PHACTR2: variants seen among roughly 807,000 people sequenced by gnomAD.
PHACTR2 encodes the protein chromosome 6 open reading frame 56.
In PHACTR2, 30 loss-of-function variants were observed where a neutral mutation model predicts 76.0. The observed-to-expected ratio is 0.39, with a 90% CI of 0.30 to 0.54. The LOEUF (loss-of-function observed/expected upper bound fraction) is 0.54, where lower values mean the gene tolerates loss of function less well. PHACTR2 is among the 20% of genes least tolerant of loss of function. The pLI is 0.61. For synonymous variants in PHACTR2, 292 were observed against 292.5 expected, an observed-to-expected ratio of 1.00 and a Z score of 0.02; for missense variants, 696 against 781.1, an observed-to-expected ratio of 0.89 and a Z score of 1.30.
At position 143,730,780 on chromosome 6, in the gene PHACTR2, C is replaced by T. The variant is rs1778681475; in HGVS notation, c.215-18205C>T. On this transcript the variant is annotated intron_variant, in intron 2 of 12. Transcript: ENST00000440869. This position sits in a 1 kb window ranked among gnomAD's most constrained non-coding sequence, Gnocchi z 4.8. ...TTTGTTTGTTTGAGACGGAGTCTTG[C>T]TCTGTGGCCCAGGCTGGAGTGCAGT... Among the ~76,000 whole-genome samples the T allele has an allele frequency of 6.6e-6, 1 of 152,166 alleles. No individual in the cohort carries two copies. The highest frequency in any genetic ancestry group is 2.4e-5 in the African/African-American group (1 of 41,436).
intron 1 of PHACTR2, among the ~76,000 whole-genome samples, chr6:143,707,528 A>C (rs762948419): frequency 6.6e-6 from 1 of 152,226 alleles, no homozygotes; most frequent in Non-Finnish European, 1.5e-5. Flanking sequence ...ACTATGCCAC[A>C]TTAGTCTCAG....
chr6:143,729,336 T>G (rs990724976), intron 2 of PHACTR2, among the ~76,000 whole-genome samples: 2 of 152,146 alleles, frequency 1.3e-5, no homozygotes, highest in African/African-American at 4.8e-5. Flanking sequence ...GAGGAAAAAT[T>G]TTTAATTTTA....
rs1009216689 is a variant in PHACTR2, at chr6:143,755,649, G to A, written c.454+1737G>A. On this transcript the variant is annotated intron_variant, in intron 4 of 12. Transcript: ENST00000440869. This position sits in a 1 kb window ranked among gnomAD's most constrained non-coding sequence, Gnocchi z 5.2. ...AAGAGAGCCTGTTGCTTGGCTAGTA[G>A]GTACATGAGGAAGGAGCTGGGAGTG... The A allele has an allele frequency of 8.6e-5, 20 of 233,204 alleles. No individual in the cohort carries two copies. Among genetic ancestry groups the A allele is most frequent in the Non-Finnish European group, 1.7e-4 (20 of 115,180 alleles). The allele number at this position is 233,204 out of a possible 1,614,324, so 14.4% of individuals were successfully genotyped here. A position where few individuals can be genotyped will look rare whatever the true frequency, so the allele number is the denominator to read the frequency against.
rs112529580 is a variant in PHACTR2, at chr6:143,695,847, C to T, written c.47-16169C>T. Reference sequence around the variant, plus strand: ...TGGAAACAACAGTAAAATGCAACTTCCTGTGTTTAGCAGCCGTAGCAACAC... The same window carrying T: ...TGGAAACAACAGTAAAATGCAACTTTCTGTGTTTAGCAGCCGTAGCAACAC... On this transcript the variant is annotated intron_variant, in intron 1 of 12. Coordinates refer to ENST00000440869, the MANE Select transcript of PHACTR2 (RefSeq NM_001100164.2). The surrounding 1 kb of genome is among the most constrained non-coding windows in gnomAD (Gnocchi z 4.4). Among the ~76,000 whole-genome samples, 2,201 of 152,278 alleles carry T rather than the reference C, an allele frequency of 0.014. 49 individuals carry two copies. Among genetic ancestry groups the T allele is most frequent in the African/African-American group, 0.05 (2,084 of 41,542 alleles).
chr6:143,699,045 C>T (rs543252294), intron 1 of PHACTR2, among the ~76,000 whole-genome samples: 1 of 152,170 alleles, frequency 6.6e-6, no homozygotes, highest in South Asian at 2.1e-4. Flanking sequence ...ATTTTGCGTC[C>T]AGTCTTGTGC....
At chr6:143,603,058 C>G (rs1256078984) in intron 1 of PHACTR2, among the ~76,000 whole-genome samples, 1 of 148,502 alleles carries the variant, frequency 6.7e-6, no homozygotes, top group Non-Finnish European at 1.5e-5. Flanking sequence ...GACAGGAGAA[C>G]TGCTAGAATC....
Position 143,686,481 on chromosome 6 carries a change from C to CTTTTTT in PHACTR2, c.46+8291_46+8296dup, listed in dbSNP as rs71024870. ...ACACATAGAGGAGAGGAACTTCATT[C>CTTTTTT]TTTTTTTTTTTTTTTTTTTTTTTTG... On this transcript the variant is annotated intron_variant, in intron 1 of 12. Transcript: ENST00000440869. Among the ~76,000 whole-genome samples, 136 of 83,970 alleles carry CTTTTTT rather than the reference C, an allele frequency of 1.6e-3. 1 individual carries two copies. Among genetic ancestry groups the CTTTTTT allele is most frequent in the African/African-American group, 2.8e-3 (60 of 21,698 alleles). 55.1% of individuals were successfully genotyped at this position (83,970 alleles called of 152,430 possible). A position where few individuals can be genotyped will look rare whatever the true frequency, so the allele number is the denominator to read the frequency against.
At chr6:143,768,975 G>A (rs766173560) in intron 6 of PHACTR2, among the ~76,000 whole-genome samples, 19 of 152,276 alleles carry the variant, frequency 1.2e-4, no homozygotes, top group Non-Finnish European at 2.5e-4. Context: ...CCTTTTTCAA[G>A]TGGATATTTG....
chr6:143,692,646 A>G (rs569775016), intron 1 of PHACTR2, among the ~76,000 whole-genome samples: 1 of 152,218 alleles, frequency 6.6e-6, no homozygotes, highest in Non-Finnish European at 1.5e-5. Context: ...TTTCCAAACA[A>G]GAATGTTTTA....
chr6:143,747,161 G>A (rs1779084850), intron 2 of PHACTR2, among the ~76,000 whole-genome samples: 1 of 152,190 alleles, frequency 6.6e-6, no homozygotes, highest in Non-Finnish European at 1.5e-5. Context: ...TTTAGAGAAG[G>A]AGGAAACAGA....
At chr6:143,538,458 A>G (rs1781140093) in intron 1 of PHACTR2, among the ~76,000 whole-genome samples, 1 of 152,200 alleles carries the variant, frequency 6.6e-6, no homozygotes, top group Non-Finnish European at 1.5e-5. Context: ...CTGATGTGCA[A>G]TCTTTGTAGG....
rs1775170674 is a variant in PHACTR2, at chr6:143,556,114, G to C, written c.217+18907G>C. Among the ~76,000 whole-genome samples, 1 of 152,200 alleles carries C rather than the reference G, an allele frequency of 6.6e-6. No homozygotes were observed. Among genetic ancestry groups the C allele is most frequent in the Admixed American group, 6.5e-5 (1 of 15,276 alleles). ...AGCAGAAGGGACAGTGAAAACTCATGATGGTTAAGAAATTAACAAAGGAGC... is the reference window on the plus strand; with the variant it reads ...AGCAGAAGGGACAGTGAAAACTCATCATGGTTAAGAAATTAACAAAGGAGC... On this transcript the variant is annotated intron_variant, in intron 1 of 11. Transcript: ENST00000367584. This position sits in a 1 kb window ranked among gnomAD's most constrained non-coding sequence, Gnocchi z 4.3.
At chr6:143,810,651 G>A (rs1327584200) in intron 12 of PHACTR2, 10 of 403,720 alleles carry the variant, frequency 2.5e-5, no homozygotes, top group African/African-American at 1.9e-4. Context: ...TCAACATAGT[G>A]AGACCCCATC....
intron 1 of PHACTR2, among the ~76,000 whole-genome samples, chr6:143,693,793 A>T (rs985085398): frequency 1.3e-5 from 2 of 152,240 alleles, no homozygotes; most frequent in Non-Finnish European, 2.9e-5. Flanking sequence ...CAGTGTGACT[A>T]GGCAGTACAC....
intron 1 of PHACTR2, among the ~76,000 whole-genome samples, chr6:143,576,477 G>C (rs9285500): frequency 0.61 from 93,283 of 152,056 alleles, 28,947 homozygotes; most frequent in Middle Eastern, 0.72. Flanking sequence ...TCATGACTAC[G>C]TAAATGGCTT....
In PHACTR2 at chr6:143,680,296, G is replaced by A. The variant is rs576642230; in HGVS notation, c.46+2087G>A. Among the ~76,000 whole-genome samples, 4 of 152,206 alleles carry A rather than the reference G, an allele frequency of 2.6e-5. No homozygotes were observed. Among genetic ancestry groups the A allele is most frequent in the African/African-American group, 7.2e-5 (3 of 41,530 alleles). On this transcript the variant is annotated intron_variant, in intron 1 of 12. Coordinates refer to ENST00000440869, the MANE Select transcript of PHACTR2 (RefSeq NM_001100164.2). This position sits in a 1 kb window ranked among gnomAD's most constrained non-coding sequence, Gnocchi z 4.5. Reference sequence around the variant, plus strand: ...GTTTAACTCTGGCTTTACAGATGGCGTGAAGATCCTTGTTCTGTTTGATCT... The same window carrying A: ...GTTTAACTCTGGCTTTACAGATGGCATGAAGATCCTTGTTCTGTTTGATCT...
rs1192521050 is a variant in PHACTR2 at position 143,658,206 on chromosome 6, C to T, written c.13+49884C>T. Among the ~76,000 whole-genome samples the T allele has an allele frequency of 6.6e-6, 1 of 152,166 alleles. No individual in the cohort carries two copies. Among genetic ancestry groups the T allele is most frequent in the African/African-American group, 2.4e-5 (1 of 41,442 alleles). ...AGGTGTATGTTTAACATTACAGAAA[C>T]TGCCAGACTAACCTGAGCTTCAACA... On this transcript the variant is annotated intron_variant, in intron 1 of 11. Transcript: ENST00000305766. The surrounding 1 kb of genome is among the most constrained non-coding windows in gnomAD (Gnocchi z 4.1).
chr6:143,779,583 C>A (rs1277508980), intron 9 of PHACTR2, among the ~76,000 whole-genome samples: 1 of 152,082 alleles, frequency 6.6e-6, no homozygotes, highest in African/African-American at 2.4e-5. Context: ...CTCCTGACTT[C>A]GTGATTCGCC....
In PHACTR2 at chr6:143,624,786, C is replaced by T. The variant is rs1776225314; in HGVS notation, c.13+16464C>T. On this transcript the variant is annotated intron_variant, in intron 1 of 11. Transcript: ENST00000305766. The surrounding 1 kb of genome is among the most constrained non-coding windows in gnomAD (Gnocchi z 4.6). ...AGGCTTGGCCAGGATGGTAAAGCTG[C>T]GTTTGTCATTGTGCCTACAAGCTGA... is the stretch of plus-strand genomic sequence containing the variant. 2.0e-5 allele frequency among the ~76,000 whole-genome samples: 3 copies of T among 151,926 alleles called. No individual in the cohort carries two copies. The highest frequency in any genetic ancestry group is 2.9e-5 in the Non-Finnish European group (2 of 68,008).
Sources: allele counts gnomAD v4.1 joint callset (sites outside exome capture counted in the v4.1 genomes callset), GRCh38; gene constraint gnomAD v4.1.1; non-coding constraint Gnocchi (gnomAD v3.1); transcripts MANE v1.5; gene names NCBI Gene and HGNC (gene_info 2026-07-23, HGNC 2026-07-21).